The following SEMA3A variants were observed in gnomAD, a reference collection of about 807,000 sequenced individuals.
The protein encoded by SEMA3A is semaphorin 3A, also known as semaphorin-3A.
SEMA3A carries 29 observed loss-of-function variants against 97.9 expected under a neutral mutation model. That is an observed-to-expected ratio of 0.30 (90% CI 0.22 to 0.40). SEMA3A has a LOEUF of 0.40. SEMA3A is among the 10% of genes least tolerant of loss of function. The probability of loss-of-function intolerance (pLI) is 1.00; values close to 1 mark genes in which losing one functional copy is unlikely to be tolerated. For synonymous variants in SEMA3A, 321 were observed against 323.7 expected (o/e 0.99, Z 0.09); for missense variants, 763 against 951.3 (o/e 0.80, Z 2.60).
intron 1 of SEMA3A, among the ~76,000 whole-genome samples, chr7:84,431,034 G>A (rs1028839975): frequency 9.2e-5 from 14 of 151,858 alleles, no homozygotes; most frequent in Admixed American, 5.9e-4. Context: ...TTTATGAAGC[G>A]TAAAGCTCTA....
chr7:84,019,371 G>A (rs1034457242), intron 6 of SEMA3A, among the ~76,000 whole-genome samples: 1 of 149,734 alleles, frequency 6.7e-6, no homozygotes, highest in South Asian at 2.1e-4. Flanking sequence ...GTGATTAGGA[G>A]TGTACAGAGT....
chr7:84,082,699 T>C (rs1794203131), intron 4 of SEMA3A, among the ~76,000 whole-genome samples: 1 of 152,106 alleles, frequency 6.6e-6, no homozygotes, highest in Non-Finnish European at 1.5e-5. Context: ...ATATGGAATA[T>C]CTACAAGCAA....
chr7:84,342,016 C>G (rs1183509098), intron 2 of SEMA3A, among the ~76,000 whole-genome samples: 1 of 152,016 alleles, frequency 6.6e-6, no homozygotes, highest in African/African-American at 2.4e-5. Flanking sequence ...ATTATCAAGT[C>G]AGATTCGTTT....
intron 1 of SEMA3A, among the ~76,000 whole-genome samples, chr7:84,400,922 T>C (rs966750199): frequency 6.6e-6 from 1 of 152,148 alleles, no homozygotes; most frequent in Non-Finnish European, 1.5e-5. Context: ...TCACACTGAA[T>C]TGGGAAAAAC....
intron 3 of SEMA3A, among the ~76,000 whole-genome samples, chr7:84,229,339 T>C (rs1397684613): frequency 6.6e-6 from 1 of 152,130 alleles, no homozygotes; most frequent in East Asian, 1.9e-4. Flanking sequence ...CCCCTCTTAG[T>C]AGTAAATTTT....
At chr7:84,356,638 T>C (rs1562917036) in intron 2 of SEMA3A, among the ~76,000 whole-genome samples, 1 of 151,938 alleles carries the variant, frequency 6.6e-6, no homozygotes, top group Non-Finnish European at 1.5e-5. Context: ...TAAGAAAATA[T>C]GCAGTTTGAA....
chr7:84,062,831 C>G (rs548804006), intron 4 of SEMA3A, among the ~76,000 whole-genome samples: 2 of 147,054 alleles, frequency 1.4e-5, no homozygotes, highest in East Asian at 2.0e-4. Flanking sequence ...AAGGCCGCAG[C>G]GAGGCGGGGG....
intron 1 of SEMA3A, among the ~76,000 whole-genome samples, chr7:84,155,443 C>A (rs1005674725): frequency 2.0e-5 from 3 of 152,140 alleles, no homozygotes; most frequent in African/African-American, 7.2e-5. Context: ...AGGTATGCTT[C>A]CTTCTTCCCA....
chr7:84,422,788 G>A (rs905263676), intron 1 of SEMA3A, among the ~76,000 whole-genome samples: 1 of 152,058 alleles, frequency 6.6e-6, no homozygotes, highest in African/African-American at 2.4e-5. Flanking sequence ...TAGTCATTCA[G>A]GAGCAGGTTG....
chr7:84,023,862 G>A, intron 6 of SEMA3A, among the ~76,000 whole-genome samples: 1 of 151,534 alleles, frequency 6.6e-6, no homozygotes, highest in East Asian at 2.0e-4. Flanking sequence ...ATACAAAAAA[G>A]TTAGCCGGGT....
At chr7:84,032,990 TCTTC>T (rs919842143) in intron 6 of SEMA3A, among the ~76,000 whole-genome samples, 8 of 152,096 alleles carry the variant, frequency 5.3e-5, no homozygotes, top group Non-Finnish European at 1.2e-4. Context: ...GCACTAAAAA[TCTTC>T]CTTGTTTTTC....
intron 2 of SEMA3A, among the ~76,000 whole-genome samples, chr7:84,131,565 G>T (rs10261415): frequency 0.8 from 122,194 of 152,036 alleles, 49,144 homozygotes; most frequent in East Asian, 0.93. Flanking sequence ...TTTTTGCCTC[G>T]AAGAGGGATT....
chr7:84,304,681 A>T (rs1234769305), intron 3 of SEMA3A, among the ~76,000 whole-genome samples: 1 of 152,212 alleles, frequency 6.6e-6, no homozygotes, highest in East Asian at 1.9e-4. Context: ...ATAGTGACAC[A>T]CCTTGGAATT....
At chr7:83,999,624 T>G (rs534083356) in intron 12 of SEMA3A, among the ~76,000 whole-genome samples, 81 of 152,222 alleles carry the variant, frequency 5.3e-4, no homozygotes, top group African/African-American at 1.9e-3. Flanking sequence ...AATTTAGCAT[T>G]GTGCCAGGAC....
intron 5 of SEMA3A, among the ~76,000 whole-genome samples, chr7:84,055,278 C>A (rs925104745): frequency 3.3e-5 from 5 of 152,178 alleles, no homozygotes; most frequent in Admixed American, 3.3e-4. Flanking sequence ...CAAGCCTGGG[C>A]AATGGCGGGC....
At chr7:84,203,847 T>A (rs756235722) in intron 3 of SEMA3A, among the ~76,000 whole-genome samples, 1 of 151,968 alleles carries the variant, frequency 6.6e-6, no homozygotes, top group Admixed American at 6.6e-5. Context: ...TAGATATAAT[T>A]GCACTAGTTG....
chr7:84,101,102 T>C (rs1355617273), intron 4 of SEMA3A, among the ~76,000 whole-genome samples: 1 of 152,212 alleles, frequency 6.6e-6, no homozygotes, highest in Non-Finnish European at 1.5e-5. Context: ...CATTTTTTTT[T>C]CTTTACACTG....
At chr7:84,429,904 C>G (rs899482639) in intron 1 of SEMA3A, among the ~76,000 whole-genome samples, 10 of 151,654 alleles carry the variant, frequency 6.6e-5, no homozygotes, top group Non-Finnish European at 5.9e-5. Context: ...AACAAGAATA[C>G]CAACATGTTA....
chr7:84,222,329 A>G (rs1450304300), intron 3 of SEMA3A, among the ~76,000 whole-genome samples: 2 of 151,962 alleles, frequency 1.3e-5, no homozygotes, highest in Non-Finnish European at 2.9e-5. Context: ...GCAGAAGTGC[A>G]TAGTCACCAA....
Sources: allele counts gnomAD v4.1 joint callset (sites outside exome capture counted in the v4.1 genomes callset), GRCh38; gene constraint gnomAD v4.1.1; transcripts MANE v1.5; gene names NCBI Gene and HGNC (gene_info 2026-07-23, HGNC 2026-07-21).